PCNT: variants seen among roughly 807,000 people sequenced by gnomAD.
PCNT encodes kendrin.
In PCNT, 319 loss-of-function variants were observed where a neutral mutation model predicts 380.4. The ratio of observed to expected loss-of-function variants is 0.84; its 90% confidence interval spans 0.77 to 0.92. The LOEUF (loss-of-function observed/expected upper bound fraction) is 0.92, where lower values mean the gene tolerates loss of function less well. Among genes scored for constraint, PCNT ranks in the 40% least tolerant of loss-of-function variants. PCNT has a pLI of 0.00. For synonymous variants in PCNT, 1,845 were observed against 1,735.2 expected (o/e 1.06, Z -1.57); for missense variants, 4,400 against 4,255.3 (o/e 1.03, Z -0.95).
chr21:46,347,625 T>A (rs2084116312), intron 6 of PCNT, 113 bp downstream of exon 6: 1 of 937,716 alleles, frequency 1.1e-6, no homozygotes, highest in South Asian at 1.3e-5. Flanking sequence ...AGTCGAGGCT[T>A]TATTAGAATA....
Position 46,384,178 on chromosome 21 carries a change from G to A in PCNT, c.3313-1654G>A, listed in dbSNP as rs564184491. Among the ~76,000 whole-genome samples, 2 of 142,424 alleles carry A rather than the reference G, an allele frequency of 1.4e-5. 1 individual carries two copies. The highest frequency in any genetic ancestry group is 5.2e-5 in the African/African-American group (2 of 38,346). The allele number at this position is 142,424 out of a possible 152,430, so 93.4% of individuals were successfully genotyped here. On this transcript the variant is annotated intron_variant, in intron 16 of 46. Coordinates refer to ENST00000359568, the MANE Select transcript of PCNT (RefSeq NM_006031.6). ...GTGCTGTGCATTCAGCAGCGGAAGCGCATTCACGGTGTTGTGCGTTCAGTG... is the reference window on the plus strand; with the variant it reads ...GTGCTGTGCATTCAGCAGCGGAAGCACATTCACGGTGTTGTGCGTTCAGTG...
At chr21:46,336,590 C>G (rs1482069222) in intron 3 of PCNT, among the ~76,000 whole-genome samples, 2 of 151,984 alleles carry the variant, frequency 1.3e-5, no homozygotes, top group Non-Finnish European at 2.9e-5. Context: ...ATCGTGTAGG[C>G]CCTGTCTCCG....
At chr21:46,431,162 G>A (rs1023844731) in intron 37 of PCNT, 2 of 1,198,698 alleles carry the variant, frequency 1.7e-6, no homozygotes, top group South Asian at 1.8e-5. Context: ...TTTCTGAAGA[G>A]GGGGCAGGAG....
chr21:46,339,534 A>G (rs2083855616), intron 3 of PCNT, among the ~76,000 whole-genome samples: 2 of 152,210 alleles, frequency 1.3e-5, no homozygotes, highest in African/African-American at 4.8e-5. Flanking sequence ...AAGCTGAAGA[A>G]CTTGGAGTCT....
intron 2 of PCNT, among the ~76,000 whole-genome samples, chr21:46,330,848 G>A (rs1334263262): frequency 2.6e-5 from 4 of 152,186 alleles, no homozygotes; most frequent in Admixed American, 6.5e-5. Flanking sequence ...TCAGATGGTT[G>A]GTCATGCTGC....
intron 2 of PCNT, among the ~76,000 whole-genome samples, chr21:46,328,099 C>T (rs2083446174): frequency 6.6e-6 from 1 of 152,166 alleles, no homozygotes; most frequent in Non-Finnish European, 1.5e-5. Context: ...AAACTGGTGG[C>T]CAAAGGCAGA....
rs750305466 is a variant in PCNT, at chr21:46,411,248, A to G, written c.5175A>G (p.Gln1725=). The part of the protein sequence containing the change: ...EELKATIENL[Q]ENQKRLQKEK... Reference sequence around the variant, plus strand: ...TGAAAGCCACTATTGAAAATCTGCAAGAGAATCAGAAACGATTACAAAAGG... The same window carrying G: ...TGAAAGCCACTATTGAAAATCTGCAGGAGAATCAGAAACGATTACAAAAGG... Residue 1725 remains glutamine, a synonymous_variant, in exon 28 of 47, where the codon CAA becomes CAG. Transcript: ENST00000359568. The G allele has an allele frequency of 1.9e-6, 3 of 1,614,214 alleles. No homozygotes were observed. The highest frequency in any genetic ancestry group is 2.2e-5 in the East Asian group (1 of 44,886).
Position 46,334,540 on chromosome 21 carries a change from C to T in PCNT, c.411C>T (p.Asp137=), listed in dbSNP as rs2083668656. The T allele has an allele frequency of 6.3e-7, 1 of 1,599,780 alleles. No homozygotes were observed. Among genetic ancestry groups the T allele is most frequent in the Non-Finnish European group, 8.5e-7 (1 of 1,170,046 alleles). The change falls in exon 3 of 47, where the codon GAC becomes GAT. Residue 137 remains aspartate, a synonymous_variant. Transcript: ENST00000359568. ...AGCATGGGATGTTCACAGTCGGTGACCACCCACCAGAACAGCGTGGGATGT... is the reference window on the plus strand; with the variant it reads ...AGCATGGGATGTTCACAGTCGGTGATCACCCACCAGAACAGCGTGGGATGT... ...PEQHGMFTVG[D]HPPEQRGMFT...
chr21:46,429,350 C>A (rs1329455127), intron 35 of PCNT, among the ~76,000 whole-genome samples: 1 of 85,924 alleles, frequency 1.2e-5, no homozygotes, highest in Non-Finnish European at 2.1e-5. Flanking sequence ...GCGCTGTGCA[C>A]GTGCTCGTGA....
At chr21:46,385,541 C>T (rs1358517377) in intron 16 of PCNT, among the ~76,000 whole-genome samples, 4 of 152,284 alleles carry the variant, frequency 2.6e-5, no homozygotes, top group South Asian at 2.1e-4. Flanking sequence ...GAGGAAAAAC[C>T]GTATCAATAA....
At position 46,351,491 on chromosome 21, in the gene PCNT, C is replaced by G. The variant is rs370098360; in HGVS notation, c.1407C>G (p.Arg469=). ...LKAQSQEEIR[R]LWSQLDSART... ...CACAATCACAAGAAGAGATCAGGCG[C>G]TTGTGGTCCCAGCTTGATTCTGCCA... Residue 469 remains arginine, a synonymous_variant, in exon 9 of 47, where the codon CGC becomes CGG. Coordinates refer to ENST00000359568, the MANE Select transcript of PCNT (RefSeq NM_006031.6). 8.7e-6 allele frequency: 14 copies of G among 1,613,350 alleles called. No homozygotes were observed. The Middle Eastern group carries it at 5.0e-4, about 57-fold the overall frequency.
Position 46,445,333 on chromosome 21 carries a change from A to G in PCNT, c.*6A>G. The G allele has an allele frequency of 6.3e-7, 1 of 1,594,220 alleles. No homozygotes were observed. Among genetic ancestry groups the G allele is most frequent in the Non-Finnish European group, 8.6e-7 (1 of 1,161,704 alleles). ...ACCCGATGATTAAACAGTGAATAAAATGTCATGGCTCTTTCCTGCGACAAT... is the reference window on the plus strand; with the variant it reads ...ACCCGATGATTAAACAGTGAATAAAGTGTCATGGCTCTTTCCTGCGACAAT... On this transcript the variant is annotated 3_prime_UTR_variant, in exon 47 of 47. Transcript: ENST00000359568.
At chr21:46,408,099 C>G (rs1445662715) in intron 27 of PCNT, among the ~76,000 whole-genome samples, 1 of 152,202 alleles carries the variant, frequency 6.6e-6, no homozygotes, top group Non-Finnish European at 1.5e-5. Context: ...ATAATCACCA[C>G]AATCTCATCA....
chr21:46,416,179 G>A lies in PCNT; in HGVS notation c.6261G>A (p.Gln2087=), dbSNP rs181127717. ...GTTTGCTGTATTCCATGACCTTCCA[G>A]AATGTGGATGCTGCCGACACCAAAT... ...LNRLLYSMTF[Q]NVDAADTKSL... Residue 2087 remains glutamine (Q), a synonymous_variant, in exon 30 of 47, where the codon CAG becomes CAA. Coordinates refer to ENST00000359568, the MANE Select transcript of PCNT (RefSeq NM_006031.6). The A allele has an allele frequency of 6.1e-5, 99 of 1,614,216 alleles. No individual in the cohort carries two copies. The Admixed American group carries it at 1.6e-3, about 26-fold the overall frequency.
intron 17 of PCNT, among the ~76,000 whole-genome samples, chr21:46,387,885 C>T (rs1569236812): frequency 6.6e-6 from 1 of 152,068 alleles, no homozygotes; most frequent in Non-Finnish European, 1.5e-5. Context: ...TGTGGAGGGG[C>T]CTGTGGCCTC....
At position 46,435,885 on chromosome 21, in the gene PCNT, T is replaced by C; in HGVS notation, c.8752-19T>C. On this transcript the variant is annotated intron_variant, in intron 38 of 46. Coordinates refer to ENST00000359568, the MANE Select transcript of PCNT (RefSeq NM_006031.6). ...CACTGACGTGAACGTCTTCTCTGTC[T>C]TTTTTCTGTTAACAACAGCGAGAAT... The C allele has an allele frequency of 6.2e-7, 1 of 1,613,908 alleles. No homozygotes were observed.
chr21:46,366,959 A>C lies in PCNT; in HGVS notation c.2985A>C (p.Ala995=), dbSNP rs761388924. The C allele has an allele frequency of 2.5e-6, 4 of 1,614,144 alleles. No individual in the cohort carries two copies. The South Asian group carries it at 4.4e-5, about 18-fold the overall frequency. The change falls in exon 15 of 47, where the codon GCA becomes GCC. Residue 995 remains alanine, a synonymous_variant. Coordinates refer to ENST00000359568, the MANE Select transcript of PCNT (RefSeq NM_006031.6). The stretch of plus-strand genomic sequence containing the variant: ...GGCAGGCCCTAGAGCTCTTACGAGC[A>C]GACTTTGAGGAACAACTGTGGAAAA... ...EHRQALELLR[A]DFEEQLWKKD...
At chr21:46,421,569 C>T (rs894788081) in intron 31 of PCNT, among the ~76,000 whole-genome samples, 1 of 152,238 alleles carries the variant, frequency 6.6e-6, no homozygotes, top group African/African-American at 2.4e-5. Flanking sequence ...GATGCCCGTC[C>T]GCTGCCTGCC....
intron 43 of PCNT, among the ~76,000 whole-genome samples, chr21:46,442,097 A>T (rs778226374): frequency 6.6e-6 from 1 of 152,152 alleles, no homozygotes; most frequent in Non-Finnish European, 1.5e-5. Flanking sequence ...GTCCAGTGGC[A>T]TCTGTGACAG....
Sources: allele counts gnomAD v4.1 joint callset (sites outside exome capture counted in the v4.1 genomes callset), GRCh38; gene constraint gnomAD v4.1.1; transcripts MANE v1.5; gene names NCBI Gene and HGNC (gene_info 2026-07-23, HGNC 2026-07-21).